The following SEC14L1 variants were observed in gnomAD, a reference collection of about 807,000 sequenced individuals.
SEC14L1 encodes SEC14-like protein 1.
SEC14L1 carries 48 observed loss-of-function variants against 85.3 expected under a neutral mutation model. The observed-to-expected ratio is 0.56, with a 90% confidence interval of 0.45 to 0.72. The LOEUF (loss-of-function observed/expected upper bound fraction) is 0.72. Ranked by LOEUF, SEC14L1 falls within the 30% of genes least tolerant of loss-of-function variation. SEC14L1 has a pLI of 0.00. For synonymous variants in SEC14L1, 391 were observed against 355.5 expected (o/e 1.10, Z -1.12); for missense variants, 682 against 921.4 (o/e 0.74, Z 3.36).
rs148338088 is a variant in SEC14L1, at chr17:77,089,723, G to A, written c.-240+452G>A. ...CAAGGTTAAATGATCACACTTAAGAGGGCATAATTCAGCCAGGTGCAGTGG... is the reference window on the plus strand; with the variant it reads ...CAAGGTTAAATGATCACACTTAAGAAGGCATAATTCAGCCAGGTGCAGTGG... On this transcript the variant is annotated intron_variant, in intron 2 of 19. Coordinates refer to the SEC14L1 transcript ENST00000392476. The A allele has an allele frequency of 3.5e-5, 10 of 287,940 alleles. No homozygotes were observed. The East Asian group carries it at 1.0e-3, about 29-fold the overall frequency. 17.8% of individuals were successfully genotyped at this position (287,940 alleles called of 1,614,324 possible).
rs1555628453 is a variant in SEC14L1, at chr17:77,204,522, C to CCTTTTTTTTTTTTTTTTTTT, written c.1099-754_1099-753insCTTTTTTTTTTTTTTTTTTT. Among the ~76,000 whole-genome samples, 2 of 84,728 alleles carry CCTTTTTTTTTTTTTTTTTTT rather than the reference C, an allele frequency of 2.4e-5. 1 individual carries two copies. Among genetic ancestry groups the CCTTTTTTTTTTTTTTTTTTT allele is most frequent in the African/African-American group, 7.9e-5 (2 of 25,198 alleles). 55.6% of individuals were successfully genotyped at this position (84,728 alleles called of 152,430 possible). A position where few individuals can be genotyped will look rare whatever the true frequency, so the allele number is the denominator to read the frequency against. On this transcript the variant is annotated intron_variant, in intron 10 of 16. Transcript: ENST00000436233. ...GGCTTGAGCCACCCTGCCCAGCCAG[C>CCTTTTTTTTTTTTTTTTTTT]TTTTTTTTTTTTTTTTTTTTTTTTT...
intron 3 of SEC14L1, among the ~76,000 whole-genome samples, chr17:77,146,467 G>A (rs1281062004): frequency 6.6e-6 from 1 of 152,094 alleles, no homozygotes; most frequent in African/African-American, 2.4e-5. Context: ...CGTTTACCTT[G>A]CCAGTTCATG....
In SEC14L1 at chr17:77,216,921, T is replaced by C. The variant is rs1036479297; in HGVS notation, c.*2898T>C. On this transcript the variant is annotated 3_prime_UTR_variant, in exon 17 of 17. Transcript: ENST00000436233. ...GTCATTTCCCATTTCTTAGTACTAATGATTCTTTGATTCTCCCTCTATTAT... is the reference window on the plus strand; with the variant it reads ...GTCATTTCCCATTTCTTAGTACTAACGATTCTTTGATTCTCCCTCTATTAT... 7.8e-5 allele frequency: 17 copies of C among 218,108 alleles called. No homozygotes were observed. Among genetic ancestry groups the C allele is most frequent in the Non-Finnish European group, 1.2e-4 (13 of 107,890 alleles). The allele number at this position is 218,108 out of a possible 1,614,324, so 13.5% of individuals were successfully genotyped here. A position where few individuals can be genotyped will look rare whatever the true frequency, so the allele number is the denominator to read the frequency against.
intron 3 of SEC14L1, among the ~76,000 whole-genome samples, chr17:77,178,376 A>G (rs1423899939): frequency 2.0e-5 from 3 of 152,192 alleles, no homozygotes; most frequent in Admixed American, 1.3e-4. Flanking sequence ...ATTTTAAAAT[A>G]TAATGTGGAT....
chr17:77,185,344 G>A (rs1975219999), intron 3 of SEC14L1: 1 of 985,342 alleles, frequency 1.0e-6, no homozygotes, highest in Non-Finnish European at 1.2e-6. Flanking sequence ...CTGCTCCTTA[G>A]CCTGGATACC....
At position 77,193,550 on chromosome 17, in the gene SEC14L1, G is replaced by T. The variant is rs1363466808; in HGVS notation, c.474+1G>T. On this transcript the variant is annotated splice_donor_variant, in intron 6 of 16. Coordinates refer to ENST00000436233, the MANE Select transcript of SEC14L1 (RefSeq NM_001143998.2). LOFTEE classifies it high-confidence loss of function. ...ACAATATACCAGCAACATTAAAAAA[G>T]TGAGTGTATCTTGGGATTTTGTGGC... The T allele has an allele frequency of 1.9e-6, 3 of 1,606,202 alleles. No homozygotes were observed. Among genetic ancestry groups the T allele is most frequent in the Admixed American group, 1.7e-5 (1 of 59,540 alleles).
At chr17:77,153,123 A>G (rs915323039) in intron 3 of SEC14L1, among the ~76,000 whole-genome samples, 1 of 152,212 alleles carries the variant, frequency 6.6e-6, no homozygotes, top group Non-Finnish European at 1.5e-5. Flanking sequence ...GCTGGAGTGC[A>G]GTGGCGCAAT....
At chr17:77,113,113 C>T (rs1419357718) in intron 3 of SEC14L1, among the ~76,000 whole-genome samples, 2 of 152,036 alleles carry the variant, frequency 1.3e-5, no homozygotes, top group Non-Finnish European at 2.9e-5. Flanking sequence ...GAGCCAAGAT[C>T]GTACCACTTC....
rs565134542 is a variant in SEC14L1 at position 77,101,520 on chromosome 17, C to T, written c.-136+8173C>T. Among the ~76,000 whole-genome samples the T allele has an allele frequency of 2.6e-5, 4 of 152,298 alleles. No homozygotes were observed. The South Asian group carries it at 8.3e-4, about 32-fold the overall frequency. ...CATAATAACTGTCATGGTTAAATCC[C>T]TGTCTTGGTTCAGAAGGCCCACGTT... On this transcript the variant is annotated intron_variant, in intron 3 of 19. Coordinates refer to the SEC14L1 transcript ENST00000392476.
Position 77,215,454 on chromosome 17 carries a change from C to T in SEC14L1, c.*1431C>T. 1.0e-6 allele frequency: 1 copy of T among 985,560 alleles called. No homozygotes were observed. The highest frequency in any genetic ancestry group is 1.2e-6 in the Non-Finnish European group (1 of 830,030). 61.1% of individuals were successfully genotyped at this position (985,560 alleles called of 1,614,324 possible). ...GGAGATCCTGGTTGTGCCGTCTCAGCTCCGCTCTGAAGGCACTGTGTGGGT... is the reference window on the plus strand; with the variant it reads ...GGAGATCCTGGTTGTGCCGTCTCAGTTCCGCTCTGAAGGCACTGTGTGGGT... On this transcript the variant is annotated 3_prime_UTR_variant, in exon 17 of 17. Transcript: ENST00000436233.
chr17:77,167,175 T>C (rs1974323182), intron 3 of SEC14L1, among the ~76,000 whole-genome samples: 1 of 149,744 alleles, frequency 6.7e-6, no homozygotes, highest in Non-Finnish European at 1.5e-5. Flanking sequence ...TGAGACAGTT[T>C]CCCAGGCCAG....
intron 9 of SEC14L1, among the ~76,000 whole-genome samples, chr17:77,202,658 G>A (rs138697773): frequency 3.3e-5 from 5 of 152,020 alleles, no homozygotes; most frequent in East Asian, 3.9e-4. Flanking sequence ...AGTGGCTCAC[G>A]CCTATAATCC....
Position 77,214,279 on chromosome 17 carries a change from C to A in SEC14L1, c.*256C>A. ...AAAATCCAACCAGAGCGCAAGGGCT[C>A]TCTTGAAAGAAAAGTAGTTTCTGTA... On this transcript the variant is annotated 3_prime_UTR_variant, in exon 17 of 17. Transcript: ENST00000436233. 15 of 1,274,042 alleles carry A rather than the reference C, an allele frequency of 1.2e-5. No individual in the cohort carries two copies. Among genetic ancestry groups the A allele is most frequent in the Non-Finnish European group, 1.5e-5 (15 of 1,008,726 alleles). The allele number at this position is 1,274,042 out of a possible 1,614,324, so 78.9% of individuals were successfully genotyped here. A position where few individuals can be genotyped will look rare whatever the true frequency, so the allele number is the denominator to read the frequency against.
intron 3 of SEC14L1, among the ~76,000 whole-genome samples, chr17:77,133,835 A>G (rs1972692946): frequency 1.3e-5 from 2 of 149,048 alleles, no homozygotes; most frequent in Admixed American, 1.4e-4. Flanking sequence ...GCTACTCGGG[A>G]GGCTGAGGCA....
intron 3 of SEC14L1, among the ~76,000 whole-genome samples, chr17:77,103,349 G>A (rs1008960177): frequency 2.6e-5 from 4 of 151,834 alleles, no homozygotes; most frequent in Non-Finnish European, 4.4e-5. Context: ...CTGACCTCAG[G>A]TGATCCACCT....
chr17:77,090,675 A>G (rs1971491276), intron 2 of SEC14L1, among the ~76,000 whole-genome samples: 1 of 151,374 alleles, frequency 6.6e-6, no homozygotes, highest in East Asian at 2.0e-4. Flanking sequence ...AGCAAAGTGG[A>G]GAATGGTGGG....
chr17:77,125,029 G>C (rs1161881666), intron 3 of SEC14L1, among the ~76,000 whole-genome samples: 3 of 150,516 alleles, frequency 2.0e-5, no homozygotes, highest in Non-Finnish European at 4.4e-5. Flanking sequence ...TTTTGAGGTA[G>C]AGTCTCGCTT....
At chr17:77,148,762 CT>C (rs1973425879) in intron 3 of SEC14L1, among the ~76,000 whole-genome samples, 1 of 152,228 alleles carries the variant, frequency 6.6e-6, no homozygotes, top group South Asian at 2.1e-4. Context: ...CCTTAGGTCA[CT>C]TTGTGCTCCC....
Position 77,214,582 on chromosome 17 carries a change from C to T in SEC14L1, c.*559C>T. The T allele has an allele frequency of 1.0e-6, 1 of 988,424 alleles. No homozygotes were observed. Among genetic ancestry groups the T allele is most frequent in the Non-Finnish European group, 1.2e-6 (1 of 831,880 alleles). The allele number at this position is 988,424 out of a possible 1,614,324, so 61.2% of individuals were successfully genotyped here. ...GGATTCAGAGGTTGCCTGCGGAGTA[C>T]CTTGTCCCAGGGCCAGACACACCCA... On this transcript the variant is annotated 3_prime_UTR_variant, in exon 17 of 17. Coordinates refer to ENST00000436233, the MANE Select transcript of SEC14L1 (RefSeq NM_001143998.2).
Sources: allele counts gnomAD v4.1 joint callset (sites outside exome capture counted in the v4.1 genomes callset), GRCh38; gene constraint gnomAD v4.1.1; transcripts MANE v1.5; gene names NCBI Gene and HGNC (gene_info 2026-07-23, HGNC 2026-07-21).